Variants in SYNPO observed in about 807,000 individuals in gnomAD.
SYNPO encodes synaptopodin.
A neutral mutation model predicts 49.5 loss-of-function variants in SYNPO; 19 were observed. The observed-to-expected ratio is 0.38, with a 90% CI of 0.27 to 0.56. The LOEUF (loss-of-function observed/expected upper bound fraction) is 0.56. Among genes scored for constraint, SYNPO ranks in the 20% least tolerant of loss-of-function variants. SYNPO has a pLI of 0.68. For synonymous variants in SYNPO, 536 were observed against 548.0 expected (o/e 0.98, Z 0.31); for missense variants, 1,131 against 1,248.3 (o/e 0.91, Z 1.42).
chr5:150,654,149 A>G (rs1023225582), intron 2 of SYNPO: 1 of 152,224 alleles, frequency 6.6e-6, no homozygotes, highest in Non-Finnish European at 1.5e-5. Context: ...GGTAGGAAGC[A>G]TGGAATGGAC....
intron 2 of SYNPO, among the ~76,000 whole-genome samples, chr5:150,621,153 A>G (rs1757160081): frequency 6.6e-6 from 1 of 151,726 alleles, no homozygotes; most frequent in Non-Finnish European, 1.5e-5. Context: ...GGATTTCACC[A>G]TGTTGGCCAG....
In SYNPO at chr5:150,605,585, A is replaced by G. The variant is rs556264839; in HGVS notation, c.-266+4397A>G. On this transcript the variant is annotated intron_variant, in intron 1 of 2. Coordinates refer to the SYNPO transcript ENST00000394243. The stretch of plus-strand genomic sequence containing the variant: ...AGGGCCTCCTTCCCAGCTTCACTGG[A>G]GCAGGAATGGGTTAAAGGGGACCGG... Among the ~76,000 whole-genome samples the G allele has an allele frequency of 5.3e-5, 8 of 152,192 alleles. No homozygotes were observed. In the South Asian group the frequency reaches 1.7e-3, roughly 32 times the overall value.
chr5:150,648,200 C>T lies in SYNPO; in HGVS notation c.-76C>T. 1 of 1,591,622 alleles carries T rather than the reference C, an allele frequency of 6.3e-7. No homozygotes were observed. Among genetic ancestry groups the T allele is most frequent in the Non-Finnish European group, 8.6e-7 (1 of 1,168,702 alleles). ...ATGCACCGGGGCTCAGCCTGAGTTC[C>T]ACCTCGCTGCCGGAGCCAGGCCCTC... On this transcript the variant is annotated 5_prime_UTR_variant, in exon 2 of 3. Transcript: ENST00000307662. The surrounding 1 kb of genome is among the most constrained non-coding windows in gnomAD (Gnocchi z 5.0).
exon 2 of SYNPO, chr5:150,618,610 A>G (rs369430390): frequency 6.4e-7 from 1 of 1,551,340 alleles, no homozygotes; most frequent in African/African-American, 1.4e-5. Flanking sequence ...AGCTGCCCAA[A>G]GCCCTGGGCA....
chr5:150,611,771 G>A (rs911018291), intron 1 of SYNPO, among the ~76,000 whole-genome samples: 2 of 152,180 alleles, frequency 1.3e-5, no homozygotes, highest in African/African-American at 4.8e-5. Flanking sequence ...GGATCATGGT[G>A]GACATCCCTC....
chr5:150,641,643 T>A (rs780875796), intron 1 of SYNPO, among the ~76,000 whole-genome samples: 47 of 152,156 alleles, frequency 3.1e-4, no homozygotes, highest in Non-Finnish European at 6.5e-4. Context: ...GGGAAAGGGT[T>A]TGTCCCTTTC....
intron 1 of SYNPO, among the ~76,000 whole-genome samples, chr5:150,603,487 G>A (rs939401377): frequency 2.6e-5 from 4 of 152,236 alleles, no homozygotes; most frequent in African/African-American, 7.2e-5. Flanking sequence ...TGCTGTTGCC[G>A]TTAGTGTTAC....
the SYNPO span, among the ~76,000 whole-genome samples, chr5:150,595,858 C>T: frequency 6.6e-6 from 1 of 151,348 alleles, no homozygotes; most frequent in African/African-American, 2.4e-5. Flanking sequence ...CCCCACCCCC[C>T]CAGCTGGCTG....
chr5:150,656,869 C>T lies in SYNPO; in HGVS notation c.2494C>T (p.Pro832Ser), dbSNP rs759192687. The change falls in exon 3 of 3, where the codon CCT (proline) becomes TCT (serine). Residue 832 changes from proline (P) to serine (S), a missense_variant. This residue lies in a region of SYNPO where 509 missense variants were observed against 484.5 expected (regional missense o/e 1.05). Coordinates refer to ENST00000307662, the MANE Select transcript of SYNPO (RefSeq NM_007286.6). Reference protein sequence around the residue: ...PIPRSPLPAGPSSCTSPRSPL... With the variant: ...PIPRSPLPAGSSSCTSPRSPL... ...CCCGCGGAGCCCGTTGCCCGCCGGT[C>T]CTTCGTCCTGCACCAGTCCCCGGAG... 58 of 1,572,994 alleles carry T rather than the reference C, an allele frequency of 3.7e-5. No homozygotes were observed. Among genetic ancestry groups the T allele is most frequent in the Non-Finnish European group, 4.4e-5 (51 of 1,161,500 alleles).
At chr5:150,618,818 C>T in intron 2 of SYNPO, 2 of 1,547,998 alleles carry the variant, frequency 1.3e-6, no homozygotes, top group Non-Finnish European at 1.7e-6. Context: ...TGGAGACCCC[C>T]CAGGTCCTTA....
At position 150,657,036 on chromosome 5, in the gene SYNPO, C is replaced by A; in HGVS notation, c.2661C>A (p.Ser887Arg). Residue 887 changes from serine (S) to arginine (R), a missense_variant, in exon 3 of 3, where the codon AGC becomes AGA. Ser to Arg is a moderately radical substitution (Grantham distance 110, BLOSUM62 -1). Transcript: ENST00000307662. ...TCTGTCCCCGCGGGTGGAATGGCAG[C>A]CTTCGGCTCAAGCGTGGCAGCCTCC... The part of the protein sequence containing the change: ...YNICPRGWNG[S>R]LRLKRGSLPA... 2 of 1,602,304 alleles carry A rather than the reference C, an allele frequency of 1.2e-6. No individual in the cohort carries two copies. Among genetic ancestry groups the A allele is most frequent in the Non-Finnish European group, 1.7e-6 (2 of 1,175,732 alleles).
chr5:150,598,095 C>A (rs547038046), upstream of SYNPO, among the ~76,000 whole-genome samples: 46 of 152,298 alleles, frequency 3.0e-4, no homozygotes, highest in African/African-American at 1.1e-3. Context: ...ACTGCCCTCG[C>A]AACACATCGT....
chr5:150,597,677 C>T (rs566061901), upstream of SYNPO, among the ~76,000 whole-genome samples: 1 of 151,876 alleles, frequency 6.6e-6, no homozygotes, highest in Admixed American at 6.6e-5. Flanking sequence ...CTCGCTGTGT[C>T]ACCCAGGCTG....
At chr5:150,651,761 G>A in intron 2 of SYNPO, 1 of 1,000,412 alleles carries the variant, frequency 1.0e-6, no homozygotes, top group Non-Finnish European at 1.2e-6. Flanking sequence ...AACTGCATGT[G>A]TGTCTGTAGG....
chr5:150,610,499 C>G (rs1016077484), intron 1 of SYNPO, among the ~76,000 whole-genome samples: 1 of 152,180 alleles, frequency 6.6e-6, no homozygotes, highest in Non-Finnish European at 1.5e-5. Context: ...CAGTAGGTGC[C>G]TGCCTCATAA....
chr5:150,657,455 CACACACACACA>C lies in SYNPO; in HGVS notation c.*369_*379del. On this transcript the variant is annotated 3_prime_UTR_variant, in exon 3 of 3. Transcript: ENST00000307662. The stretch of plus-strand genomic sequence containing the variant: ...TCTCACACACACACACACACACACA[CACACACACACA>C]CACACACACACTAGTTAGTGCCTTG... The C allele has an allele frequency of 4.4e-6, 1 of 226,562 alleles. No homozygotes were observed. The highest frequency in any genetic ancestry group is 2.3e-5 in the African/African-American group (1 of 44,052). The allele number at this position is 226,562 out of a possible 1,614,324, so 14.0% of individuals were successfully genotyped here.
chr5:150,637,529 A>C (rs1257764629), upstream of SYNPO, among the ~76,000 whole-genome samples: 2 of 152,186 alleles, frequency 1.3e-5, no homozygotes, highest in Non-Finnish European at 2.9e-5. Flanking sequence ...GCCACGACTG[A>C]GGGATTCCCA....
At chr5:150,588,086 T>G in the SYNPO span, among the ~76,000 whole-genome samples, 851 of 152,290 alleles carry the variant, frequency 5.6e-3, 8 homozygotes, top group African/African-American at 0.019. Flanking sequence ...ACAGTATGAA[T>G]TTTTTTAGTT....
the SYNPO span, among the ~76,000 whole-genome samples, chr5:150,587,400 G>C: frequency 2.2e-4 from 34 of 152,286 alleles, no homozygotes; most frequent in Non-Finnish European, 4.3e-4. Context: ...ATGGATATGT[G>C]GATGCATGGA....
Sources: allele counts gnomAD v4.1 joint callset (sites outside exome capture counted in the v4.1 genomes callset), GRCh38; gene constraint gnomAD v4.1.1; regional missense constraint gnomAD v4.1.1; non-coding constraint Gnocchi (gnomAD v3.1); transcripts MANE v1.5; gene names NCBI Gene and HGNC (gene_info 2026-07-23, HGNC 2026-07-21).